C2CD2: variants seen among roughly 807,000 people sequenced by gnomAD.
C2CD2 encodes C2 calcium dependent domain containing 2, also known as C2 domain-containing protein 2.
In C2CD2, 43 loss-of-function variants were observed where a neutral mutation model predicts 74.3. The ratio of observed to expected loss-of-function variants is 0.58; its 90% CI spans 0.45 to 0.75. The LOEUF (loss-of-function observed/expected upper bound fraction) is 0.75. Among genes scored for constraint, C2CD2 ranks in the 30% least tolerant of loss-of-function variants. C2CD2 has a pLI of 0.00. For missense variants in C2CD2, 801 were observed against 916.3 expected (o/e 0.87, Z 1.63); for synonymous variants, 422 against 390.7 (o/e 1.08, Z -0.94).
Position 41,903,512 on chromosome 21 carries a change from A to G in C2CD2, c.1433-1763T>C, listed in dbSNP as rs1284841679. On this transcript the variant is annotated intron_variant, in intron 11 of 13. Transcript: ENST00000380486. The surrounding 1 kb of genome is among the most constrained non-coding windows in gnomAD (Gnocchi z 4.5). ...AAACAGAAAATTGCTTGCCATAGAA[A>G]ATCTACACATTTGGCGTCAGGAGTG... 1.3e-5 allele frequency among the ~76,000 whole-genome samples: 2 copies of G among 150,418 alleles called. No homozygotes were observed. The highest frequency in any genetic ancestry group is 3.0e-5 in the Non-Finnish European group (2 of 67,414).
chr21:41,953,575 G>A lies in C2CD2; in HGVS notation c.74C>T (p.Ala25Val). The part of the protein sequence containing the change: ...WLALVSLFVA[A>V]LATVGLYLAQ... ...CAGGTACAGGCCTACCGTGGCCAGG[G>A]CCGCGACGAAGAGCGACACCAGCGC... The change falls in exon 1 of 14, where the codon GCC becomes GTC. Residue 25 changes from alanine to valine, a missense_variant. Coordinates refer to ENST00000380486, the MANE Select transcript of C2CD2 (RefSeq NM_015500.2). The A allele has an allele frequency of 6.7e-7, 1 of 1,499,242 alleles. No individual in the cohort carries two copies. The highest frequency in any genetic ancestry group is 8.8e-7 in the Non-Finnish European group (1 of 1,133,538). 92.9% of individuals were successfully genotyped at this position (1,499,242 alleles called of 1,614,324 possible). A position where few individuals can be genotyped will look rare whatever the true frequency, so the allele number is the denominator to read the frequency against.
At chr21:41,912,472 G>A (rs781542733) in intron 6 of C2CD2, 32 bp from the exon 7 acceptor site, 26 of 1,156,344 alleles carry the variant, frequency 2.2e-5, no homozygotes, top group Admixed American at 1.6e-4. Context: ...TCGTGTTGGC[G>A]TTTATTTTTA....
intron 5 of C2CD2, among the ~76,000 whole-genome samples, chr21:41,916,322 T>C (rs2065090017): frequency 6.6e-6 from 1 of 152,156 alleles, no homozygotes; most frequent in African/African-American, 2.4e-5. Flanking sequence ...AGATTAACAT[T>C]GAACTTGGCA....
At chr21:41,893,874 T>C (rs1038538491) in intron 13 of C2CD2, among the ~76,000 whole-genome samples, 1 of 152,092 alleles carries the variant, frequency 6.6e-6, no homozygotes, top group Non-Finnish European at 1.5e-5. Context: ...GATAATTTTG[T>C]ATTTTTAGTA....
At chr21:41,908,083 A>G (rs2057837057) in intron 8 of C2CD2, 1 of 397,992 alleles carries the variant, frequency 2.5e-6, no homozygotes, top group Non-Finnish European at 4.6e-6. Context: ...TCCAGTGACA[A>G]AAACTGGAAG....
chr21:41,926,532 C>T lies in C2CD2; in HGVS notation c.379-4447G>A. ...GGCCTTCATTCACCTTCTCGGTGCT[C>T]TCTCCAGCCTCAACACCTTGACCTC... On this transcript the variant is annotated intron_variant, in intron 2 of 13. Coordinates refer to ENST00000380486, the MANE Select transcript of C2CD2 (RefSeq NM_015500.2). The surrounding 1 kb of genome is among the most constrained non-coding windows in gnomAD (Gnocchi z 8.0). The T allele has an allele frequency of 1.4e-6, 1 of 728,328 alleles. No individual in the cohort carries two copies. Among genetic ancestry groups the T allele is most frequent in the Non-Finnish European group, 1.7e-6 (1 of 595,066 alleles). 45.1% of individuals were successfully genotyped at this position (728,328 alleles called of 1,614,324 possible). A position where few individuals can be genotyped will look rare whatever the true frequency, so the allele number is the denominator to read the frequency against.
chr21:41,926,502 G>T lies in C2CD2; in HGVS notation c.379-4417C>A. On this transcript the variant is annotated intron_variant, in intron 2 of 13. Coordinates refer to ENST00000380486, the MANE Select transcript of C2CD2 (RefSeq NM_015500.2). The surrounding 1 kb of genome is among the most constrained non-coding windows in gnomAD (Gnocchi z 8.0). Reference sequence around the variant, plus strand: ...CTGAAGGCTGAAGAGCAGGCTGAGCGGGGAGGCCTTCATTCACCTTCTCGG... The same window carrying T: ...CTGAAGGCTGAAGAGCAGGCTGAGCTGGGAGGCCTTCATTCACCTTCTCGG... The T allele has an allele frequency of 1.5e-6, 1 of 688,936 alleles. No homozygotes were observed. The highest frequency in any genetic ancestry group is 1.8e-6 in the Non-Finnish European group (1 of 558,998). The allele number at this position is 688,936 out of a possible 1,614,324, so 42.7% of individuals were successfully genotyped here. A position where few individuals can be genotyped will look rare whatever the true frequency, so the allele number is the denominator to read the frequency against.
At chr21:41,931,657 G>A (rs1407131561) in intron 2 of C2CD2, among the ~76,000 whole-genome samples, 2 of 150,086 alleles carry the variant, frequency 1.3e-5, no homozygotes, top group Admixed American at 6.7e-5. Context: ...CCCTGACCTC[G>A]TGATCCACCT....
In C2CD2 at chr21:41,926,347, G is replaced by A. The variant is rs1239728104; in HGVS notation, c.379-4262C>T. ...AGTGACAGAGTGTTTTTCGGAGTGG[G>A]GGGCTATTCACGGTAAGTCAGGGTC... On this transcript the variant is annotated intron_variant, in intron 2 of 13. Transcript: ENST00000380486. This position sits in a 1 kb window ranked among gnomAD's most constrained non-coding sequence, Gnocchi z 8.0. The A allele has an allele frequency of 3.0e-5, 18 of 595,964 alleles. No individual in the cohort carries two copies. The East Asian group carries it at 9.8e-4, about 33-fold the overall frequency. The allele number at this position is 595,964 out of a possible 1,614,324, so 36.9% of individuals were successfully genotyped here. A position where few individuals can be genotyped will look rare whatever the true frequency, so the allele number is the denominator to read the frequency against.
chr21:41,898,923 C>T, intron 13 of C2CD2, 130 bp downstream of exon 13: 2 of 727,350 alleles, frequency 2.7e-6, no homozygotes, highest in Non-Finnish European at 4.8e-6. Context: ...TCTGGAGGGG[C>T]AGGGGTGAGG....
rs2065175674 is a variant in C2CD2, at chr21:41,923,290, G to A, written c.379-1205C>T. On this transcript the variant is annotated intron_variant, in intron 2 of 13. Coordinates refer to ENST00000380486, the MANE Select transcript of C2CD2 (RefSeq NM_015500.2). The surrounding 1 kb of genome is among the most constrained non-coding windows in gnomAD (Gnocchi z 5.8). Reference sequence around the variant, plus strand: ...TTACAGGCATGAGCCACCGTGCCCGGCCAACAAAGTCTTTTTCTTTAAATA... The same window carrying A: ...TTACAGGCATGAGCCACCGTGCCCGACCAACAAAGTCTTTTTCTTTAAATA... Among the ~76,000 whole-genome samples, 2 of 152,164 alleles carry A rather than the reference G, an allele frequency of 1.3e-5. No homozygotes were observed. The highest frequency in any genetic ancestry group is 2.4e-5 in the African/African-American group (1 of 41,432).
chr21:41,937,985 A>G (rs2065322345), intron 2 of C2CD2, among the ~76,000 whole-genome samples: 3 of 152,202 alleles, frequency 2.0e-5, no homozygotes, highest in South Asian at 2.1e-4. Context: ...TGGTTAAAGG[A>G]TACCAAATTT....
chr21:41,893,763 G>C (rs2064787357), intron 13 of C2CD2, among the ~76,000 whole-genome samples: 1 of 147,596 alleles, frequency 6.8e-6, no homozygotes, highest in Non-Finnish European at 1.5e-5. Flanking sequence ...GTGCAGTGGT[G>C]CTATCTCAGC....
In C2CD2 at chr21:41,900,135, G is replaced by A. The variant is rs1240503639; in HGVS notation, c.1561-773C>T. 4.6e-5 allele frequency among the ~76,000 whole-genome samples: 7 copies of A among 152,026 alleles called. No individual in the cohort carries two copies. The South Asian group carries it at 6.2e-4, about 14-fold the overall frequency. On this transcript the variant is annotated intron_variant, in intron 12 of 13. Transcript: ENST00000380486. The stretch of plus-strand genomic sequence containing the variant: ...AAAAAGTACAAAAAATTAGCTGGTC[G>A]TAGTGGCGGGCGCCTGTACTCCCAG...
intron 1 of C2CD2, 53 bp downstream of exon 1, chr21:41,953,317 G>C (rs555238802): frequency 1.6e-6 from 2 of 1,278,056 alleles, no homozygotes; most frequent in African/African-American, 3.1e-5. Flanking sequence ...CCTCGGCCCG[G>C]ACCGCCCGCC....
At chr21:41,905,908 A>G (rs559584871) in intron 10 of C2CD2, 71 bp from the exon 11 acceptor site, 17 of 857,486 alleles carry the variant, frequency 2.0e-5, no homozygotes, top group Middle Eastern at 4.3e-4. Flanking sequence ...CGAAAAGTGA[A>G]AGGACAGCCC....
At chr21:41,934,731 G>A (rs1046465408) in intron 2 of C2CD2, among the ~76,000 whole-genome samples, 5 of 152,198 alleles carry the variant, frequency 3.3e-5, no homozygotes, top group African/African-American at 1.2e-4. Context: ...GCCCGTCTAG[G>A]GGGTGGACAG....
chr21:41,912,043 G>A, intron 7 of C2CD2: 1 of 296,666 alleles, frequency 3.4e-6, no homozygotes, highest in Non-Finnish European at 6.2e-6. Flanking sequence ...TTCAGTCAGA[G>A]GCTCCCTCCC....
chr21:41,914,743 T>C (rs1220279042), intron 5 of C2CD2, 22 bp from the exon 6 acceptor site: 1 of 1,608,166 alleles, frequency 6.2e-7, no homozygotes, highest in Non-Finnish European at 8.5e-7. Context: ...AAGAGCACTT[T>C]ATTTTTGGTC....
Sources: allele counts gnomAD v4.1 joint callset (sites outside exome capture counted in the v4.1 genomes callset), GRCh38; gene constraint gnomAD v4.1.1; non-coding constraint Gnocchi (gnomAD v3.1); transcripts MANE v1.5; gene names NCBI Gene and HGNC (gene_info 2026-07-23, HGNC 2026-07-21).